STK3: variants seen among roughly 807,000 people sequenced by gnomAD.
STK3 encodes the protein serine/threonine-protein kinase 3.
In STK3, 41 loss-of-function variants were observed where a neutral mutation model predicts 58.0. The observed-to-expected ratio is 0.71, with a 90% CI of 0.55 to 0.92. STK3 has a LOEUF of 0.92. Among genes scored for constraint, STK3 ranks in the 40% least tolerant of loss-of-function variants. The probability of loss-of-function intolerance (pLI) is 0.00; values close to 1 mark genes in which losing one functional copy is unlikely to be tolerated. For missense variants in STK3, 479 were observed against 602.7 expected (o/e 0.79, Z 2.15); for synonymous variants, 170 against 191.0 (o/e 0.89, Z 0.91).
chr8:98,832,179 G>C (rs1835555774), intron 3 of STK3, among the ~76,000 whole-genome samples: 1 of 150,626 alleles, frequency 6.6e-6, no homozygotes, highest in Non-Finnish European at 1.5e-5. Flanking sequence ...GCATTTTAAA[G>C]AAGGAAGAAT....
intron 1 of STK3, among the ~76,000 whole-genome samples, chr8:98,384,416 T>G (rs952646242): frequency 6.6e-6 from 1 of 152,238 alleles, no homozygotes; most frequent in Non-Finnish European, 1.5e-5. Flanking sequence ...CTTCGTTCTT[T>G]CGTTGATTTG....
At chr8:98,357,749 A>G in the STK3 span, among the ~76,000 whole-genome samples, 1 of 152,170 alleles carries the variant, frequency 6.6e-6, no homozygotes, top group Admixed American at 6.5e-5. Flanking sequence ...ACAGGAGTTG[A>G]CCCATTTCCA....
intron 1 of STK3, among the ~76,000 whole-genome samples, chr8:98,822,794 C>T (rs982586986): frequency 6.6e-6 from 1 of 152,136 alleles, no homozygotes; most frequent in African/African-American, 2.4e-5. Context: ...TTTAGGTGGC[C>T]GAGGCAGGTG....
chr8:98,600,940 T>G (rs1816290942), intron 6 of STK3, among the ~76,000 whole-genome samples: 1 of 152,202 alleles, frequency 6.6e-6, no homozygotes, highest in African/African-American at 2.4e-5. Flanking sequence ...TATAGAATCT[T>G]AAAAATTTAA....
chr8:98,396,041 A>C (rs1337754610), intron 3 of STK3, among the ~76,000 whole-genome samples: 1 of 152,258 alleles, frequency 6.6e-6, no homozygotes, highest in East Asian at 1.9e-4. Context: ...TATTAAAAAC[A>C]CATTTACCAA....
the STK3 span, among the ~76,000 whole-genome samples, chr8:98,345,375 C>T: frequency 2.0e-5 from 3 of 152,002 alleles, no homozygotes. Context: ...CTATTGAGTG[C>T]TTTTCTCCAT....
chr8:98,532,356 G>C (rs1388072210), intron 9 of STK3, among the ~76,000 whole-genome samples: 3 of 152,146 alleles, frequency 2.0e-5, no homozygotes, highest in African/African-American at 2.4e-5. Context: ...TGGTGGGGCA[G>C]TCAGAACACA....
intron 10 of STK3, among the ~76,000 whole-genome samples, chr8:98,514,544 A>AC (rs571781411): frequency 7.8e-6 from 1 of 128,472 alleles, no homozygotes; most frequent in Non-Finnish European, 1.7e-5. Flanking sequence ...ACCTCCCCAC[A>AC]AAAAAAAAAA....
rs555276297 is a variant in STK3 at position 98,664,145 on chromosome 8, C to G, written c.684+42322G>C. Among the ~76,000 whole-genome samples the G allele has an allele frequency of 3.9e-5, 6 of 152,156 alleles. No individual in the cohort carries two copies. In the East Asian group the frequency reaches 9.7e-4, roughly 25 times the overall value. On this transcript the variant is annotated intron_variant, in intron 6 of 10. Coordinates refer to ENST00000419617, the MANE Select transcript of STK3 (RefSeq NM_006281.4). ...TTCATTAATGAATATATCTACATAC[C>G]AAACCTGCCCCCATTTCTTTCTACT...
intron 1 of STK3, among the ~76,000 whole-genome samples, chr8:98,801,386 C>T (rs1488030382): frequency 2.6e-5 from 4 of 152,146 alleles, no homozygotes; most frequent in Non-Finnish European, 5.9e-5. Flanking sequence ...CGGTCCCCTT[C>T]CACACTGTGG....
rs531285606 is a variant in STK3, at chr8:98,418,086, T to G, written n.483+16041A>C. Among the ~76,000 whole-genome samples the G allele has an allele frequency of 7.2e-5, 11 of 152,160 alleles. No individual in the cohort carries two copies. In the South Asian group the frequency reaches 2.3e-3, roughly 32 times the overall value. The stretch of plus-strand genomic sequence containing the variant: ...CACCATCCCCAGCTAATTAAAAAAA[T>G]TTTTTTGTAGAAATGGGATCTCATT... On this transcript the variant is annotated intron_variant and non_coding_transcript_variant, in intron 3 of 3. Coordinates refer to the STK3 transcript ENST00000517832.
At chr8:98,555,111 C>A (rs1480875900) in intron 8 of STK3, among the ~76,000 whole-genome samples, 1 of 152,046 alleles carries the variant, frequency 6.6e-6, no homozygotes, top group African/African-American at 2.4e-5. Context: ...GTTTATGAAT[C>A]ATAAAATCCA....
intron 9 of STK3, among the ~76,000 whole-genome samples, chr8:98,528,223 C>T (rs1280324281): frequency 6.6e-6 from 1 of 152,152 alleles, no homozygotes; most frequent in African/African-American, 2.4e-5. Flanking sequence ...TCCATATTGT[C>T]AAAGTGGTGA....
chr8:98,714,165 C>G (rs1411480755), intron 4 of STK3, among the ~76,000 whole-genome samples: 1 of 152,152 alleles, frequency 6.6e-6, no homozygotes, highest in Non-Finnish European at 1.5e-5. Flanking sequence ...AAACCCACAG[C>G]CAGTATCATA....
chr8:98,782,503 G>T, intron 1 of STK3: 1 of 293,712 alleles, frequency 3.4e-6, no homozygotes. Context: ...AGATGCTCCT[G>T]GCTGACCAGG....
At position 98,630,917 on chromosome 8, in the gene STK3, TC is replaced by T. The variant is rs1318585055; in HGVS notation, c.685-34749del. ...ATAAACCTGACATATAGTAAACATT[TC>T]TTTTTTTTTATTAAAACACATTAAC... On this transcript the variant is annotated intron_variant, in intron 6 of 10. Transcript: ENST00000419617. Among the ~76,000 whole-genome samples, 9 of 139,292 alleles carry T rather than the reference TC, an allele frequency of 6.5e-5. No homozygotes were observed. In the East Asian group the frequency reaches 9.6e-4, roughly 15 times the overall value. 91.4% of individuals were successfully genotyped at this position (139,292 alleles called of 152,430 possible).
chr8:98,670,215 A>T (rs1822722054), intron 6 of STK3, among the ~76,000 whole-genome samples: 1 of 152,104 alleles, frequency 6.6e-6, no homozygotes, highest in South Asian at 2.1e-4. Context: ...CAAAAAATAG[A>T]AATATTAGCT....
At chr8:98,381,520 T>C (rs1166990131) in intron 1 of STK3, among the ~76,000 whole-genome samples, 4 of 152,186 alleles carry the variant, frequency 2.6e-5, no homozygotes, top group African/African-American at 9.7e-5. Flanking sequence ...TAGAGCAGAT[T>C]AATTCTAGTC....
intron 5 of STK3, among the ~76,000 whole-genome samples, 152 bp from the exon 6 acceptor site, chr8:98,706,786 T>TACTTAGGAATA (rs1825998875): frequency 6.6e-6 from 1 of 152,182 alleles, no homozygotes; most frequent in Non-Finnish European, 1.5e-5. Flanking sequence ...AGTTATGACA[T>TACTTAGGAATA]ACTTAGGAAT....
Sources: gnomAD v4.1 joint callset for allele counts (sites outside exome capture counted in the v4.1 genomes callset) on GRCh38, gnomAD v4.1.1 for gene constraint, MANE v1.5 for transcripts, NCBI Gene and HGNC (gene_info 2026-07-23, HGNC 2026-07-21) for gene names.